CA2: variants seen among roughly 807,000 people sequenced by gnomAD.
The protein encoded by CA2 is carbonic anhydrase 2.
In CA2, 23 loss-of-function variants were observed where a neutral mutation model predicts 27.8. The ratio of observed to expected loss-of-function variants is 0.83; its 90% confidence interval spans 0.59 to 1.17. The LOEUF is 1.17. Among genes scored for constraint, CA2 ranks in the 50% most tolerant of loss-of-function variants. CA2 has a pLI of 0.00. For missense variants in CA2, 300 were observed against 314.7 expected (o/e 0.95, Z 0.35); for synonymous variants, 99 against 114.9 (o/e 0.86, Z 0.88).
chr8:85,479,530 A>G (rs1335022789), intron 6 of CA2, among the ~76,000 whole-genome samples: 1 of 151,796 alleles, frequency 6.6e-6, no homozygotes, highest in Non-Finnish European at 1.5e-5. Context: ...TGTCCAAACC[A>G]CCCTTTTGCA....
intron 2 of CA2, among the ~76,000 whole-genome samples, chr8:85,472,080 A>C (rs1811721186): frequency 6.6e-6 from 1 of 152,180 alleles, no homozygotes; most frequent in South Asian, 2.1e-4. Context: ...CCACTGCTTA[A>C]ATATCTTCAA....
chr8:85,471,035 T>C (rs1048123103), intron 2 of CA2, among the ~76,000 whole-genome samples: 1 of 152,132 alleles, frequency 6.6e-6, no homozygotes, highest in Non-Finnish European at 1.5e-5. Flanking sequence ...GTTTAGAAAA[T>C]GGCATGTAGT....
chr8:85,465,340 A>G lies in CA2; in HGVS notation c.103A>G (p.Thr35Ala), dbSNP rs1586010813. The change falls in exon 2 of 7, where the codon ACT (threonine) becomes GCT (alanine). Residue 35 changes from threonine (T) to alanine (A), a missense_variant. Coordinates refer to ENST00000285379, the MANE Select transcript of CA2 (RefSeq NM_000067.3). The part of the protein sequence containing the change: ...GERQSPVDID[T>A]HTAKYDPSLK... Reference sequence around the variant, plus strand: ...GCGCCAGTCCCCTGTTGACATCGACACTCATACAGCCAAGTATGACCCTTC... The same window carrying G: ...GCGCCAGTCCCCTGTTGACATCGACGCTCATACAGCCAAGTATGACCCTTC... 1 of 1,614,084 alleles carries G rather than the reference A, an allele frequency of 6.2e-7. No individual in the cohort carries two copies. The highest frequency in any genetic ancestry group is 2.2e-5 in the East Asian group (1 of 44,886).
At chr8:85,476,974 T>C in intron 5 of CA2, 146 bp from the exon 6 acceptor site, 1 of 727,362 alleles carries the variant, frequency 1.4e-6, no homozygotes. Flanking sequence ...CTCTTTATTT[T>C]GTTTGCCAGT....
Position 85,465,258 on chromosome 8 carries a change from C to T in CA2, c.35-14C>T, listed in dbSNP as rs754800975. ...TCCCCACAATGGGGGATTCACATGT[C>T]TTCTTTCCCCCAGGACCTGAGCACT... is the stretch of plus-strand genomic sequence containing the variant. On this transcript the variant is annotated splice_polypyrimidine_tract_variant and intron_variant, in intron 1 of 6. Transcript: ENST00000285379. 6.2e-7 allele frequency: 1 copy of T among 1,609,274 alleles called. No individual in the cohort carries two copies. Among genetic ancestry groups the T allele is most frequent in the African/African-American group, 1.3e-5 (1 of 74,946 alleles).
At chr8:85,472,098 T>A (rs1367975791) in intron 2 of CA2, among the ~76,000 whole-genome samples, 1 of 152,212 alleles carries the variant, frequency 6.6e-6, no homozygotes, top group African/African-American at 2.4e-5. Context: ...CAAAGCAGTC[T>A]TTCACTTTGA....
chr8:85,468,684 C>T (rs1214374693), intron 2 of CA2, among the ~76,000 whole-genome samples: 2 of 151,948 alleles, frequency 1.3e-5, no homozygotes, highest in African/African-American at 4.8e-5. Flanking sequence ...CGCTGGATCC[C>T]GGGAGGCGGA....
intron 5 of CA2, among the ~76,000 whole-genome samples, chr8:85,476,734 CT>C (rs1811805318): frequency 6.6e-6 from 1 of 152,088 alleles, no homozygotes; most frequent in Non-Finnish European, 1.5e-5. Context: ...AGAAAATCAC[CT>C]CCTCATCAGG....
chr8:85,476,424 T>G (rs1274034514), intron 5 of CA2, among the ~76,000 whole-genome samples: 1 of 152,144 alleles, frequency 6.6e-6, no homozygotes, highest in Non-Finnish European at 1.5e-5. Context: ...AGCCCTGGCT[T>G]TATAAAGCTG....
intron 2 of CA2, among the ~76,000 whole-genome samples, chr8:85,471,102 G>T (rs1441185353): frequency 6.6e-6 from 1 of 152,036 alleles, no homozygotes; most frequent in African/African-American, 2.4e-5. Flanking sequence ...CTTAAACCAA[G>T]ATATTATGTT....
intron 2 of CA2, among the ~76,000 whole-genome samples, chr8:85,470,735 T>G (rs1811703250): frequency 1.3e-5 from 2 of 152,086 alleles, no homozygotes; most frequent in African/African-American, 4.8e-5. Flanking sequence ...ATACAGAGTA[T>G]GTATAATTGA....
intron 1 of CA2, 32 bp downstream of exon 1, chr8:85,464,147 CCCCGA>C: frequency 8.1e-7 from 1 of 1,234,850 alleles, no homozygotes; most frequent in Non-Finnish European, 1.1e-6. Context: ...CGCGGGGGCG[CCCCGA>C]TCCCCGATCC....
At chr8:85,470,032 C>T (rs570720501) in intron 2 of CA2, among the ~76,000 whole-genome samples, 3 of 152,182 alleles carry the variant, frequency 2.0e-5, no homozygotes, top group East Asian at 1.9e-4. Flanking sequence ...TGGTGTCAGC[C>T]GAACCTTAAA....
intron 1 of CA2, 62 bp downstream of exon 1, chr8:85,464,177 C>T (rs1811580847): frequency 6.8e-7 from 1 of 1,460,330 alleles, no homozygotes; most frequent in Non-Finnish European, 9.2e-7. Context: ...TCCCCGATCC[C>T]CGAGCCCGGA....
intron 2 of CA2, among the ~76,000 whole-genome samples, chr8:85,469,582 T>C (rs1811684879): frequency 6.6e-6 from 1 of 152,180 alleles, no homozygotes; most frequent in Non-Finnish European, 1.5e-5. Context: ...TAACTCACCC[T>C]GCTTGAGATG....
chr8:85,478,109 T>C (rs1811832626), intron 6 of CA2, among the ~76,000 whole-genome samples: 1 of 152,228 alleles, frequency 6.6e-6, no homozygotes, highest in Non-Finnish European at 1.5e-5. Context: ...ACTTTCTCAT[T>C]TCACTGGCTT....
intron 2 of CA2, among the ~76,000 whole-genome samples, chr8:85,471,588 T>C (rs1265884445): frequency 6.6e-6 from 1 of 152,140 alleles, no homozygotes; most frequent in African/African-American, 2.4e-5. Flanking sequence ...GGAAAGAAGA[T>C]ACATTTAGAA....
At chr8:85,466,671 T>C (rs1811635419) in intron 2 of CA2, among the ~76,000 whole-genome samples, 1 of 69,414 alleles carries the variant, frequency 1.4e-5, no homozygotes, top group Admixed American at 2.1e-4. Flanking sequence ...CACACATACA[T>C]ACATACATAC....
rs1811882739 is a variant in CA2 at position 85,480,918 on chromosome 8, T to C, written c.*129T>C. The C allele has an allele frequency of 1.1e-6, 1 of 879,320 alleles. No individual in the cohort carries two copies. Among genetic ancestry groups the C allele is most frequent in the Non-Finnish European group, 1.8e-6 (1 of 544,578 alleles). 54.5% of individuals were successfully genotyped at this position (879,320 alleles called of 1,614,324 possible). A position where few individuals can be genotyped will look rare whatever the true frequency, so the allele number is the denominator to read the frequency against. On this transcript the variant is annotated 3_prime_UTR_variant, in exon 7 of 7. Transcript: ENST00000285379. ...GTTTTCTAGACCCTTCATCTCTTAC[T>C]TGATAGACTTACTAATAAAATGTGA... is the stretch of plus-strand genomic sequence containing the variant.
Sources: gnomAD v4.1 joint callset for allele counts (sites outside exome capture counted in the v4.1 genomes callset) on GRCh38, gnomAD v4.1.1 for gene constraint, MANE v1.5 for transcripts, NCBI Gene and HGNC (gene_info 2026-07-23, HGNC 2026-07-21) for gene names.